LEF1: variants seen among roughly 807,000 people sequenced by gnomAD.
LEF1 encodes lymphoid enhancer binding factor 1.
A neutral mutation model predicts 51.2 loss-of-function variants in LEF1; 14 were observed. The ratio of observed to expected loss-of-function variants is 0.27; its 90% confidence interval spans 0.18 to 0.43. LEF1 has a LOEUF of 0.43. LEF1 is among the 20% of genes least tolerant of loss of function. LEF1 has a pLI of 1.00. For synonymous variants in LEF1, 185 were observed against 183.2 expected (o/e 1.01, Z -0.08); for missense variants, 386 against 512.0 (o/e 0.75, Z 2.37).
At chr4:108,113,840 T>A (rs1038338759) in intron 3 of LEF1, among the ~76,000 whole-genome samples, 1 of 152,204 alleles carries the variant, frequency 6.6e-6, no homozygotes, top group African/African-American at 2.4e-5. Flanking sequence ...CTTAGAATAA[T>A]CATTTTGAAT....
At chr4:108,089,350 G>A (rs1739860290) in intron 3 of LEF1, 93 bp from the exon 4 acceptor site, 3 of 1,330,598 alleles carry the variant, frequency 2.3e-6, no homozygotes, top group South Asian at 1.4e-5. Flanking sequence ...GCAGTAACCA[G>A]TCATCAACAT....
At chr4:108,061,378 C>A (rs1390918962) in intron 11 of LEF1, among the ~76,000 whole-genome samples, 7 of 152,112 alleles carry the variant, frequency 4.6e-5, no homozygotes, top group Admixed American at 1.3e-4. Context: ...CAAAAATAGC[C>A]ATCTTTTACA....
At chr4:108,108,869 A>T (rs1741344608) in intron 3 of LEF1, among the ~76,000 whole-genome samples, 2 of 152,192 alleles carry the variant, frequency 1.3e-5, no homozygotes, top group African/African-American at 4.8e-5. Context: ...CATTAAAAAG[A>T]TCTGGACTGA....
chr4:108,109,323 T>C (rs13147977), intron 3 of LEF1, among the ~76,000 whole-genome samples: 1,724 of 152,320 alleles, frequency 0.011, 16 homozygotes, highest in Non-Finnish European at 0.019. Flanking sequence ...GAGGCTGTAA[T>C]CACCTAGAAA....
intron 3 of LEF1, among the ~76,000 whole-genome samples, chr4:108,110,527 A>G (rs1741463612): frequency 6.6e-6 from 1 of 152,230 alleles, no homozygotes; most frequent in African/African-American, 2.4e-5. Context: ...CTAAAGAGAC[A>G]GACATATCAA....
At chr4:108,166,741 T>A in intron 1 of LEF1, 1 of 988,954 alleles carries the variant, frequency 1.0e-6, no homozygotes, top group Non-Finnish European at 1.2e-6. Context: ...CCGCTGCTTC[T>A]CCGCCTTTCT....
intron 3 of LEF1, among the ~76,000 whole-genome samples, chr4:108,142,200 G>A (rs747970485): frequency 8.5e-5 from 13 of 152,184 alleles, no homozygotes; most frequent in South Asian, 2.1e-4. Context: ...GACCTGTCCC[G>A]CGCCCTTACC....
In LEF1 at chr4:108,064,359, T is replaced by C. The variant is rs1201511307; in HGVS notation, c.1142A>G (p.Glu381Gly). The change falls in exon 10 of 12, where the codon GAG (glutamate) becomes GGG (glycine). Residue 381 changes from glutamate (E) to glycine (G), a missense_variant. Coordinates refer to ENST00000265165, the MANE Select transcript of LEF1 (RefSeq NM_016269.5). The part of the protein sequence containing the change: ...NYGKKKKRKR[E>G]KLQESASGTG... ...ACCTGATGCAGATTCCTGTAGTTTCTCTCTCTTCCTCTTCTTTTTCTTACC... is the reference window on the plus strand; with the variant it reads ...ACCTGATGCAGATTCCTGTAGTTTCCCTCTCTTCCTCTTCTTTTTCTTACC... 7 of 1,611,854 alleles carry C rather than the reference T, an allele frequency of 4.3e-6. No individual in the cohort carries two copies. The Admixed American group carries it at 8.3e-5, about 19-fold the overall frequency.
At chr4:108,056,270 T>C (rs1412723710) in intron 11 of LEF1, among the ~76,000 whole-genome samples, 1 of 152,180 alleles carries the variant, frequency 6.6e-6, no homozygotes, top group East Asian at 1.9e-4. Flanking sequence ...AAGGAGGAAG[T>C]GATTTTCAGG....
intron 3 of LEF1, among the ~76,000 whole-genome samples, chr4:108,108,639 T>C (rs940080320): frequency 2.6e-5 from 4 of 152,150 alleles, no homozygotes; most frequent in Non-Finnish European, 5.9e-5. Flanking sequence ...GTCCCACTTG[T>C]TCATCTCACC....
At chr4:108,101,923 G>A (rs1740850927) in intron 3 of LEF1, among the ~76,000 whole-genome samples, 1 of 152,042 alleles carries the variant, frequency 6.6e-6, no homozygotes, top group South Asian at 2.1e-4. Context: ...AGCCAGACAT[G>A]GTGGCATGCG....
At chr4:108,166,869 C>T (rs2110431412) in intron 1 of LEF1, 4 of 967,294 alleles carry the variant, frequency 4.1e-6, no homozygotes, top group Non-Finnish European at 4.9e-6. Context: ...CAGGGTGTAC[C>T]CTTGCGGTGG....
At chr4:108,122,118 G>A (rs1254161451) in intron 3 of LEF1, among the ~76,000 whole-genome samples, 1 of 152,090 alleles carries the variant, frequency 6.6e-6, no homozygotes, top group Non-Finnish European at 1.5e-5. Flanking sequence ...CTTAATGGTT[G>A]TTCAAATCTT....
intron 3 of LEF1, among the ~76,000 whole-genome samples, chr4:108,098,323 C>T (rs1356128479): frequency 3.3e-5 from 5 of 152,066 alleles, no homozygotes; most frequent in Non-Finnish European, 2.9e-5. Context: ...TCTCCTGTGG[C>T]GGGGTTGTGG....
In LEF1 at chr4:108,167,351, T is replaced by C. The variant is rs890424235; in HGVS notation, c.213+204A>G. 7.6e-6 allele frequency among the ~76,000 whole-genome samples: 1 copy of C among 131,696 alleles called. No homozygotes were observed. 86.4% of individuals were successfully genotyped at this position (131,696 alleles called of 152,430 possible). On this transcript the variant is annotated intron_variant, in intron 1 of 11. Transcript: ENST00000265165. The surrounding 1 kb of genome is among the most constrained non-coding windows in gnomAD (Gnocchi z 5.7). ...TACCCTGCCCCTCTACCTCCCATCC[T>C]ACACACACACACACACACACACACA...
chr4:108,142,381 AGT>A (rs755550313), intron 3 of LEF1, among the ~76,000 whole-genome samples: 1 of 152,236 alleles, frequency 6.6e-6, no homozygotes. Flanking sequence ...GACACAAATC[AGT>A]ATGACAGGAT....
In LEF1 at chr4:108,165,100, C is replaced by T; in HGVS notation, c.277G>A (p.Asp93Asn). ...AGAAGTAGAATGGGTGTCTTACCGT[C>T]ATCGGGGTGTTCTCTGGCCTTGTCG... ...YHDKAREHPD[D>N]GKHPDGGLYN... Residue 93 changes from aspartate (D) to asparagine (N), a missense_variant, in exon 2 of 12, where the codon GAC becomes AAC. Physicochemically the swap from Asp to Asn is conservative, Grantham distance 23. Transcript: ENST00000265165. 1 of 1,614,062 alleles carries T rather than the reference C, an allele frequency of 6.2e-7. No homozygotes were observed. The highest frequency in any genetic ancestry group is 1.1e-5 in the South Asian group (1 of 91,078).
intron 3 of LEF1, among the ~76,000 whole-genome samples, chr4:108,134,857 T>C (rs949805223): frequency 2.0e-5 from 3 of 152,240 alleles, no homozygotes; most frequent in Non-Finnish European, 2.9e-5. Context: ...CCCTTTCATA[T>C]ACTCAAAGGG....
intron 3 of LEF1, among the ~76,000 whole-genome samples, chr4:108,120,277 T>C (rs1264217759): frequency 1.3e-5 from 2 of 152,126 alleles, no homozygotes; most frequent in African/African-American, 4.8e-5. Flanking sequence ...GCAGTCCTCC[T>C]GCCTCAGCCT....
Sources: gnomAD v4.1 joint callset for allele counts (sites outside exome capture counted in the v4.1 genomes callset) on GRCh38, gnomAD v4.1.1 for gene constraint, Gnocchi (gnomAD v3.1) non-coding constraint, MANE v1.5 for transcripts, NCBI Gene and HGNC (gene_info 2026-07-23, HGNC 2026-07-21) for gene names.